ABR: variants seen among roughly 807,000 people sequenced by gnomAD.
ABR encodes the protein active breakpoint cluster region-related protein.
Under a neutral mutation model 107.2 loss-of-function variants are expected in ABR, and 35 were observed. The ratio of observed to expected loss-of-function variants is 0.33; its 90% CI spans 0.25 to 0.43. ABR has a LOEUF of 0.43. Ranked by LOEUF, ABR falls within the 20% of genes least tolerant of loss-of-function variation. ABR has a pLI of 1.00. For synonymous variants in ABR, 498 were observed against 462.0 expected, an observed-to-expected ratio of 1.08 and a Z score of -1.00; for missense variants, 815 against 1,115.2, an observed-to-expected ratio of 0.73 and a Z score of 3.83.
At chr17:1,109,864 C>G (rs956825355) in intron 2 of ABR, among the ~76,000 whole-genome samples, 2 of 135,970 alleles carry the variant, frequency 1.5e-5, no homozygotes, top group Admixed American at 7.2e-5. Flanking sequence ...AGCAGCCCCC[C>G]TCCTCCGAGC....
chr17:1,211,405 T>C (rs2042899477), intron 1 of ABR, among the ~76,000 whole-genome samples: 1 of 152,174 alleles, frequency 6.6e-6, no homozygotes, highest in Non-Finnish European at 1.5e-5. Context: ...AAATCGATCT[T>C]CTTCTGCTGT....
chr17:1,202,468 C>G (rs547189744), intron 1 of ABR, among the ~76,000 whole-genome samples: 1 of 152,204 alleles, frequency 6.6e-6, no homozygotes, highest in East Asian at 1.9e-4. Context: ...TGTCTCTTTC[C>G]TATACTCTTC....
intron 1 of ABR, among the ~76,000 whole-genome samples, chr17:1,193,255 C>A (rs1598102137): frequency 6.6e-6 from 1 of 151,994 alleles, no homozygotes; most frequent in East Asian, 1.9e-4. Flanking sequence ...TATAGAGAAG[C>A]CTTTCTGGGA....
At chr17:1,073,874 C>T (rs1020723815) in intron 6 of ABR, among the ~76,000 whole-genome samples, 197 bp from the exon 7 acceptor site, 16 of 151,908 alleles carry the variant, frequency 1.1e-4, no homozygotes, top group African/African-American at 3.9e-4. Context: ...AGGTGACACA[C>T]AGCCCTGGCA....
chr17:1,224,086 G>T (rs1033495489), intron 1 of ABR, among the ~76,000 whole-genome samples: 16 of 152,166 alleles, frequency 1.1e-4, no homozygotes, highest in Non-Finnish European at 2.2e-4. Flanking sequence ...ATTCCCATCT[G>T]TCAGAGACGG....
At position 1,009,850 on chromosome 17, in the gene ABR, G is replaced by A. The variant is rs982645706; in HGVS notation, c.2237-66C>T. The A allele has an allele frequency of 2.6e-5, 37 of 1,418,508 alleles. No homozygotes were observed. The East Asian group carries it at 3.0e-4, about 11-fold the overall frequency. 87.9% of individuals were successfully genotyped at this position (1,418,508 alleles called of 1,614,324 possible). On this transcript the variant is annotated intron_variant, in intron 20 of 22. Transcript: ENST00000302538. The stretch of plus-strand genomic sequence containing the variant: ...GCTCCCCGCCAGGGCCCCTGTGGTC[G>A]TGAGGCTGTGGGCCCCTGCGGGAGA...
intron 4 of ABR, among the ~76,000 whole-genome samples, chr17:1,087,380 G>A (rs2036664768): frequency 6.6e-6 from 1 of 152,196 alleles, no homozygotes; most frequent in South Asian, 2.1e-4. Context: ...CAGAGGCAGA[G>A]CCCTTTGAGG....
rs2073234318 is a variant in ABR at position 1,037,018 on chromosome 17, T to C, written c.1791+13032A>G. On this transcript the variant is annotated intron_variant, in intron 16 of 22. Coordinates refer to ENST00000302538, the MANE Select transcript of ABR (RefSeq NM_021962.5). This position sits in a 1 kb window ranked among gnomAD's most constrained non-coding sequence, Gnocchi z 4.6. ...TTCCATCCTTCCTTCCTTCCATCCT[T>C]CCTTCCTTCCATCCATCCACCCATC... is the stretch of plus-strand genomic sequence containing the variant. 2.1e-5 allele frequency among the ~76,000 whole-genome samples: 3 copies of C among 146,084 alleles called. No homozygotes were observed. The South Asian group carries it at 6.3e-4, about 31-fold the overall frequency.
chr17:1,077,923 C>G (rs1004005355), intron 6 of ABR, among the ~76,000 whole-genome samples: 15 of 152,290 alleles, frequency 9.8e-5, no homozygotes, highest in African/African-American at 2.6e-4. Context: ...CCCCTTGGCA[C>G]GTCTTGCCTC....
intron 10 of ABR, among the ~76,000 whole-genome samples, chr17:1,066,730 T>C (rs1450876257): frequency 6.6e-6 from 1 of 152,178 alleles, no homozygotes; most frequent in African/African-American, 2.4e-5. Context: ...GGTTTTGCCA[T>C]GTTGGCCAGG....
At position 1,018,242 on chromosome 17, in the gene ABR, CCGT is replaced by C. The variant is rs562902006; in HGVS notation, c.1792-5081_1792-5079del. On this transcript the variant is annotated intron_variant, in intron 16 of 22. Coordinates refer to ENST00000302538, the MANE Select transcript of ABR (RefSeq NM_021962.5). ...TATTTTTAGTAGAGACGGGGTTTCA[CCGT>C]GTTAGCCAGGATGGTCTTGATCTCC... Among the ~76,000 whole-genome samples the C allele has an allele frequency of 3.9e-3, 586 of 151,894 alleles. 5 individuals are homozygous for C. Among genetic ancestry groups the C allele is most frequent in the African/African-American group, 0.014 (565 of 41,424 alleles).
chr17:1,022,271 G>A (rs1156390813), intron 16 of ABR, among the ~76,000 whole-genome samples: 4 of 152,190 alleles, frequency 2.6e-5, no homozygotes, highest in African/African-American at 4.8e-5. Context: ...GTCTGAGGGT[G>A]GGCACGTTTC....
intron 1 of ABR, among the ~76,000 whole-genome samples, chr17:1,201,278 G>C (rs895096656): frequency 6.6e-6 from 1 of 152,102 alleles, no homozygotes; most frequent in Non-Finnish European, 1.5e-5. Context: ...CCCGGTTCAC[G>C]GCCTGGTGTC....
At chr17:1,073,179 CAA>C (rs35495689) in intron 7 of ABR, among the ~76,000 whole-genome samples, 299 of 53,216 alleles carry the variant, frequency 5.6e-3, no homozygotes, top group African/African-American at 0.021. Flanking sequence ...GACTCCGCCT[CAA>C]AAAAAAAAAA....
chr17:1,155,610 A>T (rs1180873064), intron 1 of ABR, among the ~76,000 whole-genome samples: 1 of 152,122 alleles, frequency 6.6e-6, no homozygotes, highest in Non-Finnish European at 1.5e-5. Flanking sequence ...TGAAAAGACA[A>T]TGTGCAGAGG....
In ABR at chr17:1,050,141, A is replaced by T. The variant is rs1412625705; in HGVS notation, c.1700T>A (p.Ile567Asn). ...IELEGSQSLR[I>N]LCYEKCYDKT... ...GTCATAGCACTTCTCATAGCACAGG[A>T]TCCTCAGGGACTGGGAGCCCTCCAG... The change falls in exon 16 of 23, where the codon ATC (isoleucine) becomes AAC (asparagine). Residue 567 changes from isoleucine (I) to asparagine (N), a missense_variant. Physicochemically the swap from Ile to Asn is moderately radical, Grantham distance 149. Around this residue, in one of 5 missense-constraint regions of ABR, gnomAD observed 385 missense variants for 596.9 expected, o/e 0.64. Coordinates refer to ENST00000302538, the MANE Select transcript of ABR (RefSeq NM_021962.5). This position sits in a 1 kb window ranked among gnomAD's most constrained non-coding sequence, Gnocchi z 4.6. 1 of 1,613,886 alleles carries T rather than the reference A, an allele frequency of 6.2e-7. No homozygotes were observed. The highest frequency in any genetic ancestry group is 1.3e-5 in the African/African-American group (1 of 74,890).
chr17:1,054,873 A>G (rs1187693319), intron 14 of ABR, among the ~76,000 whole-genome samples: 5 of 151,906 alleles, frequency 3.3e-5, no homozygotes, highest in Admixed American at 3.3e-4. Context: ...CGCTGCAGGG[A>G]GGGGTGAGGG....
At chr17:1,144,435 C>T (rs1482366053) in intron 1 of ABR, among the ~76,000 whole-genome samples, 1 of 152,114 alleles carries the variant, frequency 6.6e-6, no homozygotes, top group Non-Finnish European at 1.5e-5. Flanking sequence ...GTCCCGCGTC[C>T]AGACCTAATC....
At chr17:1,046,569 A>G (rs984694991) in intron 16 of ABR, among the ~76,000 whole-genome samples, 6 of 152,186 alleles carry the variant, frequency 3.9e-5, no homozygotes, top group Non-Finnish European at 1.5e-5. Flanking sequence ...TCCCAGGGGC[A>G]CCAGGCACAA....
Sources: gnomAD v4.1 joint callset for allele counts (sites outside exome capture counted in the v4.1 genomes callset) on GRCh38, gnomAD v4.1.1 for gene constraint, gnomAD v4.1.1 regional missense constraint, Gnocchi (gnomAD v3.1) non-coding constraint, MANE v1.5 for transcripts, NCBI Gene and HGNC (gene_info 2026-07-23, HGNC 2026-07-21) for gene names.